The following CYTH4 variants were observed in gnomAD, a reference collection of about 807,000 sequenced individuals.
CYTH4 encodes the protein cytohesin 4.
CYTH4 carries 22 observed loss-of-function variants against 57.5 expected under a neutral mutation model. The ratio of observed to expected loss-of-function variants is 0.38; its 90% CI spans 0.27 to 0.55. CYTH4 has a LOEUF of 0.55. CYTH4 is among the 20% of genes least tolerant of loss of function. CYTH4 has a pLI of 0.74. For synonymous variants in CYTH4, 186 were observed against 206.5 expected (o/e 0.90, Z 0.85); for missense variants, 420 against 535.6 (o/e 0.78, Z 2.13).
At chr22:37,292,094 G>C (rs78887234) in intron 1 of CYTH4, 3,888 of 152,840 alleles carry the variant, frequency 0.025, 68 homozygotes, top group African/African-American at 0.05. Flanking sequence ...CTTGCAGCTA[G>C]GTGTGGCCAC....
chr22:37,310,208 C>T (rs1929590451), intron 9 of CYTH4, among the ~76,000 whole-genome samples: 1 of 152,168 alleles, frequency 6.6e-6, no homozygotes, highest in South Asian at 2.1e-4. Context: ...TCCTCCAGAG[C>T]ACTCGGCCGC....
At chr22:37,289,322 C>A (rs962600274) in intron 1 of CYTH4, among the ~76,000 whole-genome samples, 13 of 152,246 alleles carry the variant, frequency 8.5e-5, no homozygotes, top group Admixed American at 8.5e-4. Context: ...GAAGTCACTT[C>A]TCTTTCCACA....
At chr22:37,284,476 G>A (rs1158071031) in intron 1 of CYTH4, among the ~76,000 whole-genome samples, 2 of 152,200 alleles carry the variant, frequency 1.3e-5, no homozygotes, top group African/African-American at 4.8e-5. Flanking sequence ...TTGAGGAGGA[G>A]GCCAGAGGGA....
chr22:37,313,772 G>C lies in CYTH4; in HGVS notation c.*261G>C. On this transcript the variant is annotated 3_prime_UTR_variant, in exon 13 of 13. Transcript: ENST00000248901. ...CCTGCCCTACGTGCACTACAGGAAG[G>C]GGTGAGGAGAGCAGCCAGAGGAAAA... 4.1e-6 allele frequency: 2 copies of C among 491,726 alleles called. No homozygotes were observed. Among genetic ancestry groups the C allele is most frequent in the East Asian group, 6.8e-5 (2 of 29,530 alleles). The allele number at this position is 491,726 out of a possible 1,614,324, so 30.5% of individuals were successfully genotyped here.
At chr22:37,297,962 C>T (rs902184009) in intron 5 of CYTH4, 1 of 272,486 alleles carries the variant, frequency 3.7e-6, no homozygotes, top group Non-Finnish European at 7.2e-6. Flanking sequence ...AGACAAAACT[C>T]TTGTCCTCAG....
At chr22:37,288,696 A>G (rs1928642364) in intron 1 of CYTH4, among the ~76,000 whole-genome samples, 1 of 152,106 alleles carries the variant, frequency 6.6e-6, no homozygotes, top group Non-Finnish European at 1.5e-5. Flanking sequence ...CTGGAGACAG[A>G]GCACCACACA....
chr22:37,311,364 T>G lies in CYTH4; in HGVS notation c.886-92T>G. Reference sequence around the variant, plus strand: ...GTCTCGGAAGATGAGCACGCTCCTCTTTGAGTTTGGGGAACCCCACACGTT... The same window carrying G: ...GTCTCGGAAGATGAGCACGCTCCTCGTTGAGTTTGGGGAACCCCACACGTT... On this transcript the variant is annotated intron_variant, in intron 10 of 12. Coordinates refer to ENST00000248901, the MANE Select transcript of CYTH4 (RefSeq NM_013385.5). The surrounding 1 kb of genome is among the most constrained non-coding windows in gnomAD (Gnocchi z 4.4). 8.7e-7 allele frequency: 1 copy of G among 1,152,902 alleles called. No homozygotes were observed. The highest frequency in any genetic ancestry group is 1.3e-6 in the Non-Finnish European group (1 of 769,004). The allele number at this position is 1,152,902 out of a possible 1,614,324, so 71.4% of individuals were successfully genotyped here.
Position 37,307,157 on chromosome 22 carries a change from C to T in CYTH4, c.697-2055C>T, listed in dbSNP as rs1237852517. 4.6e-5 allele frequency among the ~76,000 whole-genome samples: 7 copies of T among 152,178 alleles called. No homozygotes were observed. In the East Asian group the frequency reaches 7.7e-4, roughly 17 times the overall value. ...AGGAGACAGCTAGGCCCAGGGGTTG[C>T]GGCAGTGCGTGCAAGGCGTTTTCTT... On this transcript the variant is annotated intron_variant, in intron 8 of 12. Coordinates refer to ENST00000248901, the MANE Select transcript of CYTH4 (RefSeq NM_013385.5).
At position 37,313,842 on chromosome 22, in the gene CYTH4, G is replaced by A. The variant is rs1929743393; in HGVS notation, c.*331G>A. 2 of 342,014 alleles carry A rather than the reference G, an allele frequency of 5.8e-6. No individual in the cohort carries two copies. The highest frequency in any genetic ancestry group is 5.6e-5 in the East Asian group (1 of 17,950). 21.2% of individuals were successfully genotyped at this position (342,014 alleles called of 1,614,324 possible). A position where few individuals can be genotyped will look rare whatever the true frequency, so the allele number is the denominator to read the frequency against. ...ACTTCTCTTCTCTCTGGACTTCGGT[G>A]TCCTCGGCTCTGAAGGCGCTCTCTG... is the stretch of plus-strand genomic sequence containing the variant. On this transcript the variant is annotated 3_prime_UTR_variant, in exon 13 of 13. Transcript: ENST00000248901.
Position 37,311,165 on chromosome 22 carries a change from T to G in CYTH4, c.885+101T>G. 7.6e-7 allele frequency: 1 copy of G among 1,320,102 alleles called. No individual in the cohort carries two copies. Among genetic ancestry groups the G allele is most frequent in the South Asian group, 1.2e-5 (1 of 81,492 alleles). The allele number at this position is 1,320,102 out of a possible 1,614,324, so 81.8% of individuals were successfully genotyped here. ...AGTCGACTCACACAGCTTTGGATCC[T>G]TTGAGATCATTCAGTCCCCCTCCAT... On this transcript the variant is annotated intron_variant, in intron 10 of 12. Transcript: ENST00000248901. The surrounding 1 kb of genome is among the most constrained non-coding windows in gnomAD (Gnocchi z 4.4).
At chr22:37,288,830 C>T (rs767439040) in intron 1 of CYTH4, among the ~76,000 whole-genome samples, 13 of 152,236 alleles carry the variant, frequency 8.5e-5, no homozygotes, top group Non-Finnish European at 1.6e-4. Flanking sequence ...CCATTCCATC[C>T]GGCCAGCACC....
At position 37,282,579 on chromosome 22, in the gene CYTH4, T is replaced by C. The variant is rs760642213; in HGVS notation, c.10T>C (p.Cys4Arg). 27 of 1,613,166 alleles carry C rather than the reference T, an allele frequency of 1.7e-5. No individual in the cohort carries two copies. Among genetic ancestry groups the C allele is most frequent in the Non-Finnish European group, 2.2e-5 (26 of 1,179,664 alleles). ...CCCCAGAGGCGTCGGAATGGACCTGTGCCACCCAGGTAAGCAACTGCCGTC... is the reference window on the plus strand; with the variant it reads ...CCCCAGAGGCGTCGGAATGGACCTGCGCCACCCAGGTAAGCAACTGCCGTC... MDL[C>R]HPEPAELSSG... The change falls in exon 1 of 13, where the codon TGC becomes CGC. Residue 4 changes from cysteine (C) to arginine (R), a missense_variant. By Grantham distance (180) the Cys-to-Arg change is radical. Transcript: ENST00000248901.
At chr22:37,287,317 TC>T (rs1928594036) in intron 1 of CYTH4, among the ~76,000 whole-genome samples, 1 of 151,954 alleles carries the variant, frequency 6.6e-6, no homozygotes, top group Non-Finnish European at 1.5e-5. Flanking sequence ...ATTCTGGCCA[TC>T]CACACCTTGG....
At position 37,309,336 on chromosome 22, in the gene CYTH4, C is replaced by T. The variant is rs1569112227; in HGVS notation, c.808+13C>T. 2 of 1,611,440 alleles carry T rather than the reference C, an allele frequency of 1.2e-6. No homozygotes were observed. Among genetic ancestry groups the T allele is most frequent in the East Asian group, 2.2e-5 (1 of 44,880 alleles). On this transcript the variant is annotated intron_variant, in intron 9 of 12. Coordinates refer to ENST00000248901, the MANE Select transcript of CYTH4 (RefSeq NM_013385.5). ...CTGCTCAAGCTAGGTGAGAGACCGACAGACACACGTCGTCGCACACACACT... is the reference window on the plus strand; with the variant it reads ...CTGCTCAAGCTAGGTGAGAGACCGATAGACACACGTCGTCGCACACACACT...
intron 1 of CYTH4, among the ~76,000 whole-genome samples, chr22:37,291,810 A>G (rs146153123): frequency 2.4e-4 from 36 of 152,352 alleles, no homozygotes; most frequent in African/African-American, 8.7e-4. Flanking sequence ...TGTGGGCATC[A>G]TCACAGCACC....
intron 5 of CYTH4, 111 bp from the exon 6 acceptor site, chr22:37,299,115 A>G: frequency 1.3e-6 from 1 of 759,706 alleles, no homozygotes; most frequent in Middle Eastern, 2.3e-4. Flanking sequence ...GCTGGACCCC[A>G]GAAGGACAGA....
At chr22:37,296,960 G>A (rs984930244) in intron 4 of CYTH4, among the ~76,000 whole-genome samples, 14 of 152,178 alleles carry the variant, frequency 9.2e-5, no homozygotes, top group Admixed American at 3.3e-4. Flanking sequence ...GAGTGCCTTG[G>A]TGGTGAGGAG....
chr22:37,292,767 C>A, intron 2 of CYTH4, 64 bp downstream of exon 2: 1 of 1,530,702 alleles, frequency 6.5e-7, no homozygotes, highest in Non-Finnish European at 9.0e-7. Context: ...TGTACGCACC[C>A]CACCAGCTCC....
chr22:37,305,486 T>C (rs909028660), intron 8 of CYTH4, among the ~76,000 whole-genome samples: 2 of 152,188 alleles, frequency 1.3e-5, no homozygotes, highest in South Asian at 4.1e-4. Flanking sequence ...TTGACCTCTC[T>C]GAGCCCCAGT....
Sources: allele counts gnomAD v4.1 joint callset (sites outside exome capture counted in the v4.1 genomes callset), GRCh38; gene constraint gnomAD v4.1.1; non-coding constraint Gnocchi (gnomAD v3.1); transcripts MANE v1.5; gene names NCBI Gene and HGNC (gene_info 2026-07-23, HGNC 2026-07-21).